The following CLCN5 variants were observed in gnomAD, a reference collection of about 807,000 sequenced individuals.
The protein encoded by CLCN5 is Cl-/H+ antiporter 5.
In CLCN5, 17 loss-of-function variants were observed where a neutral mutation model predicts 54.0. The ratio of observed to expected loss-of-function variants is 0.31; its 90% CI spans 0.22 to 0.47. The LOEUF (loss-of-function observed/expected upper bound fraction) is 0.47. Among genes scored for constraint, CLCN5 ranks in the 20% least tolerant of loss-of-function variants. The probability of loss-of-function intolerance (pLI) is 1.00; values close to 1 mark genes in which losing one functional copy is unlikely to be tolerated. For missense variants in CLCN5, 448 were observed against 646.7 expected (o/e 0.69, Z 3.33); for synonymous variants, 222 against 233.0 (o/e 0.95, Z 0.43).
chrX:49,983,036 C>T (rs1178596864), intron 3 of CLCN5, among the ~76,000 whole-genome samples: 2 of 112,063 alleles, frequency 1.8e-5, no homozygotes, highest in Non-Finnish European at 3.8e-5. Flanking sequence ...CAATTTGGTG[C>T]AGAGACTGCA....
intron 7 of CLCN5, among the ~76,000 whole-genome samples, chrX:50,079,172 C>T (rs989688940): frequency 4.5e-5 from 5 of 111,401 alleles, no homozygotes; most frequent in Non-Finnish European, 9.4e-5. Flanking sequence ...CCTTTCACTC[C>T]CTTACCCTCT....
intron 3 of CLCN5, among the ~76,000 whole-genome samples, chrX:50,016,767 C>T (rs1441714126): frequency 9.4e-6 from 1 of 106,767 alleles, no homozygotes; most frequent in Non-Finnish European, 1.9e-5. Flanking sequence ...CTGGCAACCG[C>T]TGATCATTTT....
chrX:50,057,151 C>G (rs1254130511), intron 4 of CLCN5, among the ~76,000 whole-genome samples: 1 of 110,470 alleles, frequency 9.1e-6, no homozygotes. Context: ...GTCCTGGAGC[C>G]TCCTGGTATT....
At chrX:50,001,515 T>C (rs1929810683) in intron 3 of CLCN5, among the ~76,000 whole-genome samples, 1 of 109,491 alleles carries the variant, frequency 9.1e-6, no homozygotes, top group Non-Finnish European at 1.9e-5. Flanking sequence ...GTGCACAACA[T>C]GCAGGTTTGT....
At chrX:49,992,208 CTTTTTTTTTTT>C (rs200172433) in intron 3 of CLCN5, among the ~76,000 whole-genome samples, 9 of 84,219 alleles carry the variant, frequency 1.1e-4, no homozygotes, top group Non-Finnish European at 2.2e-4. Flanking sequence ...CTCTTTTTTT[CTTTTTTTTTTT>C]TTTTTGCCTT....
At chrX:49,935,486 GC>G in intron 3 of CLCN5, among the ~76,000 whole-genome samples, 1 of 112,223 alleles carries the variant, frequency 8.9e-6, no homozygotes. Context: ...GCCCTCTTAA[GC>G]CTTGCAGTCT....
intron 3 of CLCN5, among the ~76,000 whole-genome samples, chrX:49,969,959 A>G (rs1490854737): frequency 1.8e-5 from 2 of 111,409 alleles, no homozygotes; most frequent in South Asian, 3.7e-4. Flanking sequence ...TAGGATTACT[A>G]TGTACTTTTG....
At chrX:50,019,349 T>C (rs782532084) in intron 3 of CLCN5, among the ~76,000 whole-genome samples, 2 of 110,358 alleles carry the variant, frequency 1.8e-5, no homozygotes, top group African/African-American at 6.6e-5. Context: ...ATTTGTGGGG[T>C]ACACAGTGAC....
At position 49,922,645 on chromosome X, in the gene CLCN5, C is replaced by A. The variant is rs1369807025; in HGVS notation, c.-352C>A. ...ATGAGCCGCGCGCCCGCTTCGCTCC[C>A]CCTCCTCCCCGGCTGGGCTGTGTGA... On this transcript the variant is annotated 5_prime_UTR_variant, in exon 1 of 15. Transcript: ENST00000376091. The A allele has an allele frequency of 1.8e-5, 2 of 112,933 alleles. No individual in the cohort carries two copies. The highest frequency in any genetic ancestry group is 6.4e-5 in the African/African-American group (2 of 31,108). 9.3% of individuals were successfully genotyped at this position (112,933 alleles called of 1,213,427 possible).
chrX:49,955,156 A>G (rs782198598), intron 3 of CLCN5, among the ~76,000 whole-genome samples: 2 of 111,638 alleles, frequency 1.8e-5, no homozygotes, highest in African/African-American at 6.5e-5. Context: ...TCCCTGTGCC[A>G]CCACCATTCC....
Position 49,941,746 on chromosome X carries a change from A to G in CLCN5, c.16+16432A>G, listed in dbSNP as rs937400571. On this transcript the variant is annotated intron_variant, in intron 3 of 14. Coordinates refer to ENST00000376091, the MANE Select transcript of CLCN5 (RefSeq NM_001127898.4). ...AAATATCTCAAAAGTTGCATTATTT[A>G]TGATTCCAGTCTTTCTACCCGATTC... 2.7e-5 allele frequency among the ~76,000 whole-genome samples: 3 copies of G among 110,682 alleles called. No homozygotes were observed. The East Asian group carries it at 8.6e-4, about 32-fold the overall frequency.
At chrX:49,932,798 A>C (rs1050672718) in intron 3 of CLCN5, among the ~76,000 whole-genome samples, 16 of 112,696 alleles carry the variant, frequency 1.4e-4, no homozygotes, top group African/African-American at 4.8e-4. Context: ...TGTGAAAATA[A>C]GGCAGAGGAA....
At chrX:50,081,581 GCTT>G (rs1933702846) in intron 8 of CLCN5, 57 bp from the exon 9 acceptor site, 4 of 950,557 alleles carry the variant, frequency 4.2e-6, no homozygotes, top group African/African-American at 1.9e-5. Context: ...CCAGATTTTT[GCTT>G]CTTAGCCTTG....
chrX:50,065,276 A>G (rs1166951450), intron 4 of CLCN5, among the ~76,000 whole-genome samples: 1 of 93,469 alleles, frequency 1.1e-5, no homozygotes, highest in Non-Finnish European at 2.1e-5. Flanking sequence ...ACAAAGGGCT[A>G]ATAGCCAGAA....
intron 3 of CLCN5, among the ~76,000 whole-genome samples, chrX:50,033,408 C>G (rs1339878162): frequency 3.0e-4 from 33 of 111,532 alleles, no homozygotes; most frequent in African/African-American, 1.0e-3. Context: ...TGAGTGAACT[C>G]CCATTCACAA....
Position 49,954,670 on chromosome X carries a change from A to G in CLCN5, c.16+29356A>G, listed in dbSNP as rs1927225004. On this transcript the variant is annotated intron_variant, in intron 3 of 14. Transcript: ENST00000376091. Reference sequence around the variant, plus strand: ...GCTGTGTGGACTGAGTGGTCTACACACAGGCGGCCAAGGCTCCTAGCTGTG... The same window carrying G: ...GCTGTGTGGACTGAGTGGTCTACACGCAGGCGGCCAAGGCTCCTAGCTGTG... 2.7e-5 allele frequency among the ~76,000 whole-genome samples: 3 copies of G among 111,303 alleles called. 1 individual carries two copies. The South Asian group carries it at 1.1e-3, about 42-fold the overall frequency.
chrX:49,928,194 G>T (rs782346637), intron 3 of CLCN5, among the ~76,000 whole-genome samples: 4 of 112,263 alleles, frequency 3.6e-5, no homozygotes, highest in Non-Finnish European at 5.6e-5. Flanking sequence ...AATGTTAGAG[G>T]TGATGAATAT....
At chrX:49,979,417 A>G (rs1318478537) in intron 3 of CLCN5, among the ~76,000 whole-genome samples, 1 of 111,830 alleles carries the variant, frequency 8.9e-6, no homozygotes, top group Non-Finnish European at 1.9e-5. Flanking sequence ...GATTTGTTTG[A>G]AAGAATGAAC....
chrX:49,963,424 C>T (rs1333267917), intron 3 of CLCN5, among the ~76,000 whole-genome samples: 2 of 111,320 alleles, frequency 1.8e-5, no homozygotes, highest in Non-Finnish European at 3.8e-5. Context: ...GCTGAAAAAC[C>T]CCAATCCATA....
Sources: allele counts gnomAD v4.1 joint callset (sites outside exome capture counted in the v4.1 genomes callset), GRCh38; gene constraint gnomAD v4.1.1; transcripts MANE v1.5; gene names NCBI Gene and HGNC (gene_info 2026-07-23, HGNC 2026-07-21).